BRINP3: variants seen among roughly 807,000 people sequenced by gnomAD.
BRINP3 encodes the protein BMP/retinoic acid-inducible neural-specific protein 3.
A neutral mutation model predicts 71.0 loss-of-function variants in BRINP3; 19 were observed. The ratio of observed to expected loss-of-function variants is 0.27; its 90% confidence interval spans 0.19 to 0.39. The LOEUF is 0.39. Among genes scored for constraint, BRINP3 ranks in the 10% least tolerant of loss-of-function variants. The probability of loss-of-function intolerance (pLI) is 1.00; values close to 1 mark genes in which losing one functional copy is unlikely to be tolerated. For synonymous variants in BRINP3, 380 were observed against 337.7 expected (o/e 1.13, Z -1.37); for missense variants, 959 against 940.8 (o/e 1.02, Z -0.25).
intron 2 of BRINP3, among the ~76,000 whole-genome samples, chr1:190,442,907 T>C (rs898744545): frequency 3.2e-4 from 36 of 114,034 alleles, no homozygotes; most frequent in African/African-American, 1.2e-3. Flanking sequence ...TCTCTGTATC[T>C]TTTTTTTTTT....
chr1:190,354,637 C>T (rs1668611202), intron 2 of BRINP3, among the ~76,000 whole-genome samples: 1 of 151,876 alleles, frequency 6.6e-6, no homozygotes, highest in Non-Finnish European at 1.5e-5. Context: ...ATTTTCTTTG[C>T]TGAGATTAAT....
intron 2 of BRINP3, among the ~76,000 whole-genome samples, chr1:190,405,446 G>A (rs947688945): frequency 6.4e-5 from 5 of 78,078 alleles, no homozygotes; most frequent in Admixed American, 2.2e-4. Context: ...GCGAGACTCC[G>A]TCTCAAAAAA....
At chr1:190,281,863 T>A in intron 2 of BRINP3, 113 bp from the exon 3 acceptor site, 1 of 924,096 alleles carries the variant, frequency 1.1e-6, no homozygotes, top group Non-Finnish European at 1.6e-6. Context: ...CTTGTAATAC[T>A]AGGTTGTGTG....
chr1:190,269,112 G>C (rs903931888), intron 3 of BRINP3, among the ~76,000 whole-genome samples: 2 of 152,056 alleles, frequency 1.3e-5, no homozygotes, highest in Non-Finnish European at 2.9e-5. Context: ...CACATGAATA[G>C]GCAGACAAAG....
At chr1:190,366,288 G>T (rs1669495281) in intron 2 of BRINP3, among the ~76,000 whole-genome samples, 1 of 152,122 alleles carries the variant, frequency 6.6e-6, no homozygotes, top group African/African-American at 2.4e-5. Flanking sequence ...TCTTCACAAG[G>T]TGGCAGCAAA....
intron 7 of BRINP3, among the ~76,000 whole-genome samples, chr1:190,155,202 A>C (rs892789403): frequency 6.6e-6 from 1 of 151,694 alleles, no homozygotes; most frequent in African/African-American, 2.4e-5. Context: ...GTAGACTTCA[A>C]CTCATTTTTC....
chr1:190,455,058 T>C, intron 1 of BRINP3, 118 bp from the exon 2 acceptor site: 1 of 539,186 alleles, frequency 1.9e-6, no homozygotes, highest in Non-Finnish European at 3.3e-6. Flanking sequence ...ATTAGTATTA[T>C]CAGCAGATAA....
chr1:190,450,655 G>A (rs1046536351), intron 2 of BRINP3, among the ~76,000 whole-genome samples: 1 of 151,788 alleles, frequency 6.6e-6, no homozygotes, highest in Admixed American at 6.6e-5. Context: ...TACTTAAATG[G>A]ATTCTTATGT....
At chr1:190,102,719 C>G (rs1654529616) in intron 7 of BRINP3, among the ~76,000 whole-genome samples, 1 of 151,922 alleles carries the variant, frequency 6.6e-6, no homozygotes, top group Non-Finnish European at 1.5e-5. Context: ...AACTAGAATG[C>G]AAACTTTAAA....
chr1:190,461,598 A>T (rs1462889767), intron 1 of BRINP3, among the ~76,000 whole-genome samples: 1 of 152,236 alleles, frequency 6.6e-6, no homozygotes, highest in African/African-American at 2.4e-5. Flanking sequence ...AGTTTCTGAA[A>T]TAAACCTGCA....
chr1:190,104,850 C>T (rs886543741), intron 7 of BRINP3, among the ~76,000 whole-genome samples: 4 of 152,052 alleles, frequency 2.6e-5, no homozygotes, highest in African/African-American at 9.7e-5. Flanking sequence ...CTTATTCCAA[C>T]CTTCTAATCC....
At chr1:190,334,066 T>C (rs1157974907) in intron 2 of BRINP3, among the ~76,000 whole-genome samples, 1 of 151,860 alleles carries the variant, frequency 6.6e-6, no homozygotes, top group Non-Finnish European at 1.5e-5. Flanking sequence ...CTCACATTTA[T>C]ACACATAAAG....
At chr1:190,315,376 G>A (rs1332063567) in intron 2 of BRINP3, among the ~76,000 whole-genome samples, 1 of 152,052 alleles carries the variant, frequency 6.6e-6, no homozygotes, top group East Asian at 1.9e-4. Context: ...GGCCATTGCA[G>A]ATATGGTCAC....
At chr1:190,186,677 C>T (rs985677378) in intron 6 of BRINP3, among the ~76,000 whole-genome samples, 6 of 152,008 alleles carry the variant, frequency 3.9e-5, no homozygotes, top group South Asian at 2.1e-4. Context: ...TAGCACCTCA[C>T]GTCTCAATAA....
At chr1:190,302,851 T>C (rs1664833616) in intron 2 of BRINP3, 1 of 151,904 alleles carries the variant, frequency 6.6e-6, no homozygotes, top group Admixed American at 6.6e-5. Context: ...AGAAAATATT[T>C]ATTTAGCTTC....
In BRINP3 at chr1:190,098,883, G is replaced by T. The variant is rs751615500; in HGVS notation, c.1436C>A (p.Ala479Asp). The change falls in exon 8 of 8, where the codon GCC (alanine) becomes GAC (aspartate). Residue 479 changes from alanine (A) to aspartate (D), a missense_variant. By Grantham distance (126) the Ala-to-Asp change is moderately radical (BLOSUM62 -2). Coordinates refer to ENST00000367462, the MANE Select transcript of BRINP3 (RefSeq NM_199051.3). Reference sequence around the variant, plus strand: ...GCCAATATAGTGATCGGTGGACTCGGCGACTTCAGGCTTGCAGAGCCCCTG... The same window carrying T: ...GCCAATATAGTGATCGGTGGACTCGTCGACTTCAGGCTTGCAGAGCCCCTG... ...LSQGLCKPEV[A>D]ESTDHYIGFE... is the part of the protein sequence containing the mutation. 1.2e-6 allele frequency: 2 copies of T among 1,614,172 alleles called. No individual in the cohort carries two copies. The highest frequency in any genetic ancestry group is 1.7e-6 in the Non-Finnish European group (2 of 1,180,046).
At position 190,394,161 on chromosome 1, in the gene BRINP3, G is replaced by A. The variant is rs192924998; in HGVS notation, c.236+60494C>T. Among the ~76,000 whole-genome samples the A allele has an allele frequency of 2.2e-3, 330 of 151,432 alleles. No homozygotes were observed. In the Middle Eastern group the frequency reaches 0.024, roughly 11 times the overall value. ...TGATTCAAAGTCCAAGTTAAACCAG[G>A]AAAGCTTTACATTATTTTTAAAAGT... On this transcript the variant is annotated intron_variant, in intron 2 of 7. Coordinates refer to ENST00000367462, the MANE Select transcript of BRINP3 (RefSeq NM_199051.3).
At chr1:190,159,308 G>A (rs1481037097) in intron 7 of BRINP3, among the ~76,000 whole-genome samples, 4 of 151,982 alleles carry the variant, frequency 2.6e-5, no homozygotes, top group Non-Finnish European at 4.4e-5. Context: ...AAAACAGTTT[G>A]GTAGCTTCTC....
intron 5 of BRINP3, among the ~76,000 whole-genome samples, chr1:190,229,415 T>G (rs1263653861): frequency 6.6e-6 from 1 of 152,006 alleles, no homozygotes. Flanking sequence ...CTCGGCCATG[T>G]GGAACTGGAG....
Sources: gnomAD v4.1 joint callset for allele counts (sites outside exome capture counted in the v4.1 genomes callset) on GRCh38, gnomAD v4.1.1 for gene constraint, MANE v1.5 for transcripts, NCBI Gene and HGNC (gene_info 2026-07-23, HGNC 2026-07-21) for gene names.